THSD4: variants seen among roughly 807,000 people sequenced by gnomAD.
The protein encoded by THSD4 is thrombospondin type 1 domain containing 4.
A neutral mutation model predicts 119.0 loss-of-function variants in THSD4; 69 were observed. The observed-to-expected ratio is 0.58, with a 90% confidence interval of 0.48 to 0.71. The LOEUF is 0.71. THSD4 is among the 30% of genes least tolerant of loss of function. THSD4 has a pLI of 0.00. For synonymous variants in THSD4, 524 were observed against 540.4 expected (o/e 0.97, Z 0.42); for missense variants, 1,393 against 1,391.1 (o/e 1.00, Z -0.02).
chr15:71,676,852 T>C (rs1178403908), intron 8 of THSD4, among the ~76,000 whole-genome samples: 1 of 152,234 alleles, frequency 6.6e-6, no homozygotes, highest in East Asian at 1.9e-4. Flanking sequence ...CATTCATCTG[T>C]TGATGGGCAC....
chr15:71,374,277 A>C (rs1039742744), intron 6 of THSD4, among the ~76,000 whole-genome samples: 1 of 152,192 alleles, frequency 6.6e-6, no homozygotes, highest in African/African-American at 2.4e-5. Context: ...CAAATGTACC[A>C]TGAAGTCGAT....
chr15:71,279,301 G>A (rs991081952), intron 6 of THSD4, among the ~76,000 whole-genome samples: 1 of 152,072 alleles, frequency 6.6e-6, no homozygotes, highest in South Asian at 2.1e-4. Context: ...CCCGTGTCCA[G>A]TGAGCCTGTA....
At chr15:71,447,839 G>A (rs944678419) in intron 7 of THSD4, among the ~76,000 whole-genome samples, 1 of 152,122 alleles carries the variant, frequency 6.6e-6, no homozygotes, top group African/African-American at 2.4e-5. Flanking sequence ...GCCTTCTAGA[G>A]TCTTGTTCTG....
At chr15:71,182,642 A>G (rs2043544320) in intron 3 of THSD4, among the ~76,000 whole-genome samples, 1 of 151,892 alleles carries the variant, frequency 6.6e-6, no homozygotes, top group African/African-American at 2.4e-5. Context: ...TTTGACAGAC[A>G]GAATAACTTA....
At chr15:71,318,513 A>G (rs2045222063) in intron 6 of THSD4, among the ~76,000 whole-genome samples, 1 of 152,210 alleles carries the variant, frequency 6.6e-6, no homozygotes, top group African/African-American at 2.4e-5. Flanking sequence ...GGCTCCTGGA[A>G]TAAGTATCCT....
chr15:71,297,354 G>A (rs999374114), intron 6 of THSD4, among the ~76,000 whole-genome samples: 3 of 83,476 alleles, frequency 3.6e-5, no homozygotes, highest in Non-Finnish European at 5.1e-5. Flanking sequence ...GTTTGTTTCT[G>A]AGACGGAATC....
At chr15:71,640,209 A>G (rs905073) in intron 7 of THSD4, among the ~76,000 whole-genome samples, 57,537 of 151,598 alleles carry the variant, frequency 0.38, 11,598 homozygotes, top group East Asian at 0.83. Context: ...CAGCCTCCCT[A>G]GTAGCTGGGA....
At chr15:71,546,471 G>A (rs887556353) in intron 7 of THSD4, among the ~76,000 whole-genome samples, 1 of 152,162 alleles carries the variant, frequency 6.6e-6, no homozygotes, top group African/African-American at 2.4e-5. Flanking sequence ...ATGCTCCCAA[G>A]CCCCACTTTG....
At chr15:71,285,137 A>G (rs1391528292) in intron 6 of THSD4, among the ~76,000 whole-genome samples, 5 of 152,226 alleles carry the variant, frequency 3.3e-5, no homozygotes, top group Non-Finnish European at 7.3e-5. Context: ...TATGAATGGA[A>G]TGGAATAATA....
intron 5 of THSD4, among the ~76,000 whole-genome samples, chr15:71,256,308 C>G (rs1197161848): frequency 6.6e-6 from 1 of 151,778 alleles, no homozygotes; most frequent in Non-Finnish European, 1.5e-5. Context: ...AAGCCCATCG[C>G]TACAAAAAAT....
At chr15:71,224,418 C>A (rs1368270046) in intron 4 of THSD4, among the ~76,000 whole-genome samples, 1 of 152,198 alleles carries the variant, frequency 6.6e-6, no homozygotes, top group Non-Finnish European at 1.5e-5. Flanking sequence ...TAAATTTCTC[C>A]TTAATGCCTT....
intron 7 of THSD4, among the ~76,000 whole-genome samples, chr15:71,449,985 T>C (rs1210427586): frequency 6.6e-6 from 1 of 152,166 alleles, no homozygotes; most frequent in Non-Finnish European, 1.5e-5. Context: ...CCTATGACAA[T>C]GCAAAGAGGT....
rs185875874 is a variant in THSD4 at position 71,473,894 on chromosome 15, C to G, written c.1152+62071C>G. On this transcript the variant is annotated intron_variant, in intron 7 of 17. Transcript: ENST00000261862. ...ACATTCTTACTTACCAGCCCAGGTC[C>G]TACCTTAGGCCAATTAAATTGGAAT... Among the ~76,000 whole-genome samples, 6 of 152,336 alleles carry G rather than the reference C, an allele frequency of 3.9e-5. No homozygotes were observed. The East Asian group carries it at 1.2e-3, about 29-fold the overall frequency.
chr15:71,241,028 G>A (rs1256515312), intron 4 of THSD4, among the ~76,000 whole-genome samples: 2 of 151,996 alleles, frequency 1.3e-5, no homozygotes, highest in African/African-American at 4.8e-5. Flanking sequence ...AATTAGTTGT[G>A]GTCTATTAAA....
intron 3 of THSD4, among the ~76,000 whole-genome samples, chr15:71,189,953 C>T (rs1193971396): frequency 6.6e-6 from 1 of 152,106 alleles, no homozygotes; most frequent in Non-Finnish European, 1.5e-5. Flanking sequence ...CTCATCCCGC[C>T]CACGCACTGC....
intron 3 of THSD4, among the ~76,000 whole-genome samples, chr15:71,156,638 T>C (rs2040780678): frequency 6.6e-6 from 1 of 152,190 alleles, no homozygotes. Flanking sequence ...CATATTTGGC[T>C]AAACATGACC....
intron 8 of THSD4, among the ~76,000 whole-genome samples, chr15:71,688,545 T>C (rs1012498657): frequency 1.3e-5 from 2 of 152,212 alleles, no homozygotes; most frequent in African/African-American, 4.8e-5. Context: ...CCAGCCTAGA[T>C]GAGAAGCTTA....
Position 71,215,106 on chromosome 15 carries a change from C to T in THSD4, c.171C>T (p.Gly57=), listed in dbSNP as rs749461853. 2.5e-4 allele frequency: 328 copies of T among 1,333,494 alleles called. 1 individual carries two copies. Among genetic ancestry groups the T allele is most frequent in the Non-Finnish European group, 3.0e-4 (317 of 1,039,698 alleles). 82.6% of individuals were successfully genotyped at this position (1,333,494 alleles called of 1,614,324 possible). A position where few individuals can be genotyped will look rare whatever the true frequency, so the allele number is the denominator to read the frequency against. Residue 57 remains glycine, a synonymous_variant, in exon 4 of 18, where the codon GGC becomes GGT. Coordinates refer to ENST00000261862, the MANE Select transcript of THSD4 (RefSeq NM_024817.3). ...DGGGGAPGVW[G]AWGPWSACSR... ...GCGGCGGCGCCCCGGGAGTGTGGGG[C>T]GCCTGGGGCCCCTGGTCGGCCTGCT...
At chr15:71,685,877 A>C (rs904674653) in intron 8 of THSD4, among the ~76,000 whole-genome samples, 9 of 152,200 alleles carry the variant, frequency 5.9e-5, no homozygotes, top group Non-Finnish European at 1.2e-4. Flanking sequence ...AAATAGGTTT[A>C]ATCTCAAAGA....
Sources: allele counts gnomAD v4.1 joint callset (sites outside exome capture counted in the v4.1 genomes callset), GRCh38; gene constraint gnomAD v4.1.1; transcripts MANE v1.5; gene names NCBI Gene and HGNC (gene_info 2026-07-23, HGNC 2026-07-21).